The following GRXCR1 variants were observed in gnomAD, a reference collection of about 807,000 sequenced individuals.
GRXCR1 encodes the protein glutaredoxin domain-containing cysteine-rich protein 1.
GRXCR1 carries 27 observed loss-of-function variants against 27.3 expected under a neutral mutation model. The observed-to-expected ratio is 0.99, with a 90% CI of 0.73 to 1.37. GRXCR1 has a LOEUF of 1.37. Among genes scored for constraint, GRXCR1 ranks in the 40% most tolerant of loss-of-function variants. The pLI, the probability that GRXCR1 is intolerant of heterozygous loss-of-function variation, is 0.00. For missense variants in GRXCR1, 379 were observed against 354.4 expected (o/e 1.07, Z -0.56); for synonymous variants, 122 against 131.1 (o/e 0.93, Z 0.47).
chr4:43,027,426 T>C (rs1046488285), intron 3 of GRXCR1, among the ~76,000 whole-genome samples: 1 of 152,368 alleles, frequency 6.6e-6, no homozygotes, highest in East Asian at 1.9e-4. Context: ...GAAGAAACAG[T>C]AGACTCTTGG....
At chr4:42,898,705 T>C (rs748944227) in intron 1 of GRXCR1, among the ~76,000 whole-genome samples, 28 of 152,088 alleles carry the variant, frequency 1.8e-4, no homozygotes, top group Non-Finnish European at 1.2e-4. Flanking sequence ...ATATTACTAT[T>C]AATCAATTAA....
At chr4:43,009,613 G>C (rs766696041) in intron 2 of GRXCR1, among the ~76,000 whole-genome samples, 4 of 152,118 alleles carry the variant, frequency 2.6e-5, no homozygotes, top group Admixed American at 6.5e-5. Context: ...TGTCTAGTGA[G>C]AGCCCAATTC....
intron 2 of GRXCR1, among the ~76,000 whole-genome samples, chr4:42,972,841 T>C (rs2109780282): frequency 6.6e-6 from 1 of 152,238 alleles, no homozygotes; most frequent in East Asian, 1.9e-4. Context: ...CAATTGACAA[T>C]GGCCTTCAGT....
At chr4:42,915,210 C>A (rs1746858734) in intron 1 of GRXCR1, among the ~76,000 whole-genome samples, 1 of 152,046 alleles carries the variant, frequency 6.6e-6, no homozygotes, top group Non-Finnish European at 1.5e-5. Context: ...TAACTTGCAC[C>A]CACTTAAATC....
At chr4:42,984,573 T>A (rs1318126014) in intron 2 of GRXCR1, among the ~76,000 whole-genome samples, 1 of 152,186 alleles carries the variant, frequency 6.6e-6, no homozygotes, top group African/African-American at 2.4e-5. Context: ...CTTCAGAGAT[T>A]CTTGGCAGGC....
chr4:42,974,827 A>G lies in GRXCR1; in HGVS notation c.627+11693A>G, dbSNP rs1408371392. Reference sequence around the variant, plus strand: ...TTCCTGTCCATTGGCTTAGCATAGAATTTAATTGAACACCAGAGTATAAGA... The same window carrying G: ...TTCCTGTCCATTGGCTTAGCATAGAGTTTAATTGAACACCAGAGTATAAGA... On this transcript the variant is annotated intron_variant, in intron 2 of 3. Coordinates refer to ENST00000399770, the MANE Select transcript of GRXCR1 (RefSeq NM_001080476.3). 1.2e-4 allele frequency among the ~76,000 whole-genome samples: 19 copies of G among 152,136 alleles called. No homozygotes were observed. The East Asian group carries it at 3.7e-3, about 29-fold the overall frequency.
intron 2 of GRXCR1, among the ~76,000 whole-genome samples, chr4:42,965,308 A>G (rs1748212267): frequency 6.6e-6 from 1 of 152,064 alleles, no homozygotes; most frequent in African/African-American, 2.4e-5. Context: ...TAATGCTCTG[A>G]ACCTAGAGAG....
chr4:42,981,961 T>G (rs1182531189), intron 2 of GRXCR1, among the ~76,000 whole-genome samples: 1 of 152,190 alleles, frequency 6.6e-6, no homozygotes, highest in South Asian at 2.1e-4. Context: ...GACCTCCCTG[T>G]GTCTAGATAT....
intron 2 of GRXCR1, among the ~76,000 whole-genome samples, chr4:43,000,474 TA>T (rs35604158): frequency 0.69 from 78,141 of 112,542 alleles, 27,530 homozygotes; most frequent in Admixed American, 0.79. Flanking sequence ...GGCTCTATCT[TA>T]AAAAAAAAAA....
chr4:43,003,058 TGAA>T (rs1265250638), intron 2 of GRXCR1, among the ~76,000 whole-genome samples: 1 of 152,182 alleles, frequency 6.6e-6, no homozygotes, highest in Non-Finnish European at 1.5e-5. Flanking sequence ...TGCCACCACA[TGAA>T]GAAGATCCTT....
chr4:42,917,664 T>A (rs1426058677), intron 1 of GRXCR1, among the ~76,000 whole-genome samples: 2 of 152,100 alleles, frequency 1.3e-5, no homozygotes, highest in African/African-American at 2.4e-5. Context: ...AAGAGTTTCT[T>A]AGGGTGAATA....
At chr4:42,932,589 T>TATATATATAC (rs1747341860) in intron 1 of GRXCR1, among the ~76,000 whole-genome samples, 2 of 42,970 alleles carry the variant, frequency 4.7e-5, no homozygotes, top group South Asian at 2.2e-3. Context: ...TATATATATA[T>TATATATATAC]ATATATATAT....
intron 2 of GRXCR1, among the ~76,000 whole-genome samples, chr4:42,971,631 A>G (rs1376262956): frequency 6.6e-6 from 1 of 152,128 alleles, no homozygotes; most frequent in East Asian, 1.9e-4. Context: ...ACTCACTGTC[A>G]TGAGAACAAC....
chr4:42,937,076 G>T (rs1277083687), intron 1 of GRXCR1, among the ~76,000 whole-genome samples: 1 of 151,836 alleles, frequency 6.6e-6, no homozygotes, highest in Non-Finnish European at 1.5e-5. Flanking sequence ...TACAGCATTT[G>T]AAATTCCTCT....
At position 42,932,654 on chromosome 4, in the gene GRXCR1, A is replaced by AGG. The variant is rs1747356103; in HGVS notation, c.385-30237_385-30236insGG. Reference sequence around the variant, plus strand: ...GAGAGAGAGAGAGAGAGAGAGAGAGAGAGAGAGAGAGGCAATCTGTACAGG... The same window carrying AGG: ...GAGAGAGAGAGAGAGAGAGAGAGAGAGGGAGAGAGAGAGGCAATCTGTACAGG... On this transcript the variant is annotated intron_variant, in intron 1 of 3. Transcript: ENST00000399770. 5.9e-5 allele frequency among the ~76,000 whole-genome samples: 8 copies of AGG among 135,406 alleles called. 1 individual carries two copies. Among genetic ancestry groups the AGG allele is most frequent in the Middle Eastern group, 3.6e-3 (1 of 276 alleles). 88.8% of individuals were successfully genotyped at this position (135,406 alleles called of 152,430 possible).
At chr4:42,949,231 G>A (rs1327676471) in intron 1 of GRXCR1, among the ~76,000 whole-genome samples, 1 of 151,442 alleles carries the variant, frequency 6.6e-6, no homozygotes, top group Non-Finnish European at 1.5e-5. Flanking sequence ...TGGGTGTGGT[G>A]GCCCGTGCCT....
At chr4:42,926,232 T>A (rs142503364) in intron 1 of GRXCR1, among the ~76,000 whole-genome samples, 21 of 152,112 alleles carry the variant, frequency 1.4e-4, no homozygotes, top group Middle Eastern at 6.8e-3. Flanking sequence ...ATTGTGATGT[T>A]CCTTTCATTC....
intron 1 of GRXCR1, among the ~76,000 whole-genome samples, chr4:42,921,087 T>C (rs890326921): frequency 6.6e-6 from 1 of 152,104 alleles, no homozygotes; most frequent in Non-Finnish European, 1.5e-5. Flanking sequence ...TCCAAGATGA[T>C]GGCGTTAGGG....
intron 1 of GRXCR1, among the ~76,000 whole-genome samples, chr4:42,914,554 GGT>G (rs887981571): frequency 5.3e-4 from 81 of 152,308 alleles, no homozygotes; most frequent in African/African-American, 1.8e-3. Context: ...CAGGCTCATA[GGT>G]GAAAGGGACT....
Sources: gnomAD v4.1 joint callset for allele counts (sites outside exome capture counted in the v4.1 genomes callset) on GRCh38, gnomAD v4.1.1 for gene constraint, MANE v1.5 for transcripts, NCBI Gene and HGNC (gene_info 2026-07-23, HGNC 2026-07-21) for gene names.